SLC24A2: variants seen among roughly 807,000 people sequenced by gnomAD.
SLC24A2 encodes the protein solute carrier family 24 member 2.
SLC24A2 carries 36 observed loss-of-function variants against 62.0 expected under a neutral mutation model. The ratio of observed to expected loss-of-function variants is 0.58; its 90% CI spans 0.44 to 0.77. SLC24A2 has a LOEUF of 0.77. Ranked by LOEUF, SLC24A2 falls within the 30% of genes least tolerant of loss-of-function variation. The pLI, the probability that SLC24A2 is intolerant of heterozygous loss-of-function variation, is 0.00. For synonymous variants in SLC24A2, 358 were observed against 294.0 expected (o/e 1.22, Z -2.23); for missense variants, 846 against 817.9 (o/e 1.03, Z -0.42).
At chr9:19,918,265 G>C in the SLC24A2 span, among the ~76,000 whole-genome samples, 2 of 151,296 alleles carry the variant, frequency 1.3e-5, no homozygotes, top group African/African-American at 4.9e-5. Flanking sequence ...ATTTAAGTTG[G>C]TGCTGAATTT....
At chr9:20,070,279 G>C in the SLC24A2 span, among the ~76,000 whole-genome samples, 2 of 152,084 alleles carry the variant, frequency 1.3e-5, no homozygotes, top group Non-Finnish European at 2.9e-5. Context: ...CCTTAAACAG[G>C]ACTCTAAAAC....
the SLC24A2 span, among the ~76,000 whole-genome samples, chr9:19,809,945 T>C: frequency 6.6e-6 from 1 of 152,092 alleles, no homozygotes; most frequent in Non-Finnish European, 1.5e-5. Context: ...GTCCTAAATT[T>C]TCCTGGTGCC....
chr9:19,989,319 G>A, the SLC24A2 span, among the ~76,000 whole-genome samples: 1 of 152,058 alleles, frequency 6.6e-6, no homozygotes, highest in East Asian at 1.9e-4. Flanking sequence ...TTTTTAAAAT[G>A]AGAGGGAGGT....
chr9:20,222,542 A>C, the SLC24A2 span, among the ~76,000 whole-genome samples: 445 of 152,188 alleles, frequency 2.9e-3, 1 homozygote, highest in African/African-American at 1.0e-2. Flanking sequence ...ATTGATTCAA[A>C]ACTAGACAAA....
the SLC24A2 span, among the ~76,000 whole-genome samples, chr9:20,209,843 T>C: frequency 2.0e-5 from 3 of 152,114 alleles, no homozygotes; most frequent in Non-Finnish European, 2.9e-5. Flanking sequence ...TGGTAAAAAA[T>C]AAGAAAGACT....
chr9:19,805,325 G>T, the SLC24A2 span, among the ~76,000 whole-genome samples: 1 of 152,114 alleles, frequency 6.6e-6, no homozygotes, highest in African/African-American at 2.4e-5. Flanking sequence ...GACATTTCTT[G>T]TGCCATTTTT....
the SLC24A2 span, among the ~76,000 whole-genome samples, chr9:20,247,387 G>A: frequency 2.0e-5 from 3 of 152,044 alleles, no homozygotes; most frequent in Non-Finnish European, 2.9e-5. Context: ...CTCAAAATTC[G>A]TATGTTGAAA....
the SLC24A2 span, among the ~76,000 whole-genome samples, chr9:20,113,884 A>C: frequency 3.9e-5 from 6 of 152,198 alleles, no homozygotes; most frequent in Non-Finnish European, 8.8e-5. Flanking sequence ...CAATCAGAAA[A>C]AAATATAAAA....
chr9:19,550,028 G>A, intron 8 of SLC24A2, 109 bp downstream of exon 8: 1 of 1,119,908 alleles, frequency 8.9e-7, no homozygotes, highest in Non-Finnish European at 1.4e-6. Flanking sequence ...GTGAGATTTT[G>A]ATACAAGTGT....
chr9:19,551,859 A>T (rs1225088802), intron 7 of SLC24A2, among the ~76,000 whole-genome samples: 1 of 152,188 alleles, frequency 6.6e-6, no homozygotes, highest in Non-Finnish European at 1.5e-5. Context: ...CAATCTCTTC[A>T]ACTCTCCCTA....
At chr9:20,290,685 C>G in the SLC24A2 span, among the ~76,000 whole-genome samples, 1 of 152,212 alleles carries the variant, frequency 6.6e-6, no homozygotes, top group Non-Finnish European at 1.5e-5. Flanking sequence ...GTTTTTGATG[C>G]TACAGAGAGC....
At chr9:19,586,818 A>G (rs561836048) in intron 5 of SLC24A2, among the ~76,000 whole-genome samples, 1 of 152,228 alleles carries the variant, frequency 6.6e-6, no homozygotes, top group Non-Finnish European at 1.5e-5. Flanking sequence ...TTTCAATCTC[A>G]TATATACAGA....
chr9:20,210,744 T>C, the SLC24A2 span, among the ~76,000 whole-genome samples: 1 of 142,574 alleles, frequency 7.0e-6, no homozygotes, highest in African/African-American at 2.6e-5. Context: ...GACCTCATGA[T>C]CCACTGGCCT....
At chr9:19,947,848 G>GAAAGAAAGAAAGAAATAAAT in the SLC24A2 span, among the ~76,000 whole-genome samples, 1 of 145,336 alleles carries the variant, frequency 6.9e-6, no homozygotes, top group African/African-American at 2.5e-5. Context: ...AAGAAAGAAA[G>GAAAGAAAGAAAGAAATAAAT]AAATTAGTTC....
chr9:19,615,994 G>GCACGCA (rs1817757458), intron 4 of SLC24A2, among the ~76,000 whole-genome samples: 1 of 140,796 alleles, frequency 7.1e-6, no homozygotes, highest in African/African-American at 2.7e-5. Flanking sequence ...TCACAGGCGT[G>GCACGCA]CACACACACA....
chr9:20,058,694 A>G, the SLC24A2 span, among the ~76,000 whole-genome samples: 128 of 152,348 alleles, frequency 8.4e-4, no homozygotes, highest in African/African-American at 2.8e-3. Flanking sequence ...TTGACCCAGG[A>G]GTTCAAGGCT....
the SLC24A2 span, among the ~76,000 whole-genome samples, chr9:19,879,709 G>T: frequency 1.3e-5 from 2 of 152,096 alleles, no homozygotes; most frequent in East Asian, 3.9e-4. Context: ...CTCTATCACT[G>T]TTCCCTCCTC....
chr9:19,702,815 C>A (rs1002358546), intron 2 of SLC24A2, among the ~76,000 whole-genome samples: 1 of 151,916 alleles, frequency 6.6e-6, no homozygotes, highest in Non-Finnish European at 1.5e-5. Flanking sequence ...CACTACCATA[C>A]CTAGAAAACA....
At chr9:20,128,412 C>A in the SLC24A2 span, among the ~76,000 whole-genome samples, 2 of 152,028 alleles carry the variant, frequency 1.3e-5, no homozygotes, top group Non-Finnish European at 2.9e-5. Flanking sequence ...ATATATAATT[C>A]CTATTACTGT....
Sources: allele counts gnomAD v4.1 joint callset (sites outside exome capture counted in the v4.1 genomes callset), GRCh38; gene constraint gnomAD v4.1.1; transcripts MANE v1.5; gene names NCBI Gene and HGNC (gene_info 2026-07-23, HGNC 2026-07-21).